Variants in NTM observed in about 807,000 individuals in gnomAD.
The protein encoded by NTM is neurotrimin.
A neutral mutation model predicts 42.1 loss-of-function variants in NTM; 13 were observed. That is an observed-to-expected ratio of 0.31 (90% CI 0.20 to 0.49). NTM has a LOEUF of 0.49. Ranked by LOEUF, NTM falls within the 20% of genes least tolerant of loss-of-function variation. The pLI is 0.99. For missense variants in NTM, 373 were observed against 452.8 expected, an observed-to-expected ratio of 0.82 and a Z score of 1.60; for synonymous variants, 187 against 179.2, an observed-to-expected ratio of 1.04 and a Z score of -0.35.
At chr11:131,632,276 A>G (rs547122808) in intron 1 of NTM, among the ~76,000 whole-genome samples, 1 of 152,266 alleles carries the variant, frequency 6.6e-6, no homozygotes, top group East Asian at 1.9e-4. Context: ...GACTAACAAT[A>G]TCTCAAATCT....
chr11:131,887,662 C>G (rs1270878297), intron 1 of NTM, among the ~76,000 whole-genome samples: 1 of 152,240 alleles, frequency 6.6e-6, no homozygotes, highest in Non-Finnish European at 1.5e-5. Context: ...AAATTTCAGA[C>G]TTGTTAGATG....
chr11:131,373,230 C>A (rs1591488494), intron 1 of NTM, among the ~76,000 whole-genome samples: 1 of 152,310 alleles, frequency 6.6e-6, no homozygotes, highest in African/African-American at 2.4e-5. Flanking sequence ...ACTGAGGCAG[C>A]CCAGGTCTTG....
chr11:131,815,885 T>C (rs1255927880), intron 1 of NTM, among the ~76,000 whole-genome samples: 3 of 152,128 alleles, frequency 2.0e-5, no homozygotes, highest in Non-Finnish European at 2.9e-5. Flanking sequence ...CAGGGCTGGG[T>C]TGAGGGTCCT....
At chr11:131,635,372 C>G (rs2064226008) in intron 1 of NTM, among the ~76,000 whole-genome samples, 1 of 151,948 alleles carries the variant, frequency 6.6e-6, no homozygotes, top group Non-Finnish European at 1.5e-5. Flanking sequence ...TGATCCTGAC[C>G]CCATGTAGGT....
intron 2 of NTM, among the ~76,000 whole-genome samples, chr11:131,921,045 G>C (rs183070303): frequency 6.6e-6 from 1 of 152,078 alleles, no homozygotes; most frequent in Non-Finnish European, 1.5e-5. Context: ...GAAAAAGAAC[G>C]CATGCGAATT....
At chr11:132,024,111 C>T (rs975199666) in intron 2 of NTM, among the ~76,000 whole-genome samples, 3 of 151,806 alleles carry the variant, frequency 2.0e-5, no homozygotes, top group South Asian at 2.1e-4. Context: ...AGCTACTGCA[C>T]CCAGCATTTT....
intron 1 of NTM, among the ~76,000 whole-genome samples, chr11:131,791,739 T>G (rs570023838): frequency 6.6e-5 from 10 of 152,338 alleles, no homozygotes; most frequent in Non-Finnish European, 1.2e-4. Context: ...AATGCATCAG[T>G]GAATAACTGA....
At chr11:131,423,727 A>G (rs1947767489) in intron 1 of NTM, among the ~76,000 whole-genome samples, 1 of 152,166 alleles carries the variant, frequency 6.6e-6, no homozygotes, top group African/African-American at 2.4e-5. Flanking sequence ...GAATCCGCAA[A>G]AGAGGCAGGC....
intron 1 of NTM, among the ~76,000 whole-genome samples, chr11:131,616,272 C>G (rs2061927726): frequency 6.6e-6 from 1 of 152,220 alleles, no homozygotes; most frequent in Non-Finnish European, 1.5e-5. Flanking sequence ...TCTCCTTCCT[C>G]ACCCAAGACA....
intron 1 of NTM, among the ~76,000 whole-genome samples, chr11:131,497,258 G>A (rs907670907): frequency 9.9e-5 from 15 of 152,138 alleles, no homozygotes; most frequent in African/African-American, 2.9e-4. Context: ...GTGCGATCTC[G>A]GCCCACTGCA....
At chr11:132,065,926 T>A (rs1000209090) in intron 2 of NTM, among the ~76,000 whole-genome samples, 1 of 152,236 alleles carries the variant, frequency 6.6e-6, no homozygotes, top group Non-Finnish European at 1.5e-5. Context: ...AGCCATGCTA[T>A]ACAGCCTTTC....
intron 2 of NTM, among the ~76,000 whole-genome samples, chr11:132,085,606 C>T (rs551496346): frequency 2.6e-5 from 4 of 152,298 alleles, no homozygotes; most frequent in African/African-American, 7.2e-5. Context: ...AACTAAAAGG[C>T]GTTAAAGCTT....
At chr11:131,512,290 C>T (rs1437974382) in intron 1 of NTM, among the ~76,000 whole-genome samples, 9 of 152,298 alleles carry the variant, frequency 5.9e-5, no homozygotes, top group African/African-American at 7.2e-5. Flanking sequence ...CATTTGTTCA[C>T]TTTCTGAATA....
At chr11:132,274,699 C>T (rs1781208399) in intron 4 of NTM, among the ~76,000 whole-genome samples, 1 of 152,062 alleles carries the variant, frequency 6.6e-6, no homozygotes, top group Non-Finnish European at 1.5e-5. Context: ...TATGGTTTAT[C>T]TTGGAGGATA....
intron 4 of NTM, among the ~76,000 whole-genome samples, chr11:132,233,889 C>T (rs879246343): frequency 2.0e-5 from 3 of 152,348 alleles, no homozygotes; most frequent in Admixed American, 2.0e-4. Context: ...ACATCCATTC[C>T]AAATGATGCC....
chr11:131,714,636 G>A (rs1310968114), intron 1 of NTM, among the ~76,000 whole-genome samples: 2 of 152,158 alleles, frequency 1.3e-5, no homozygotes, highest in South Asian at 4.1e-4. Context: ...TTTCTACCTT[G>A]CTCATGTCTG....
At chr11:132,268,674 G>GTA (rs1376609200) in intron 4 of NTM, among the ~76,000 whole-genome samples, 104 of 144,638 alleles carry the variant, frequency 7.2e-4, no homozygotes, top group Non-Finnish European at 1.3e-3. Flanking sequence ...CTCTCTCTGT[G>GTA]TGTGTGTGTG....
In NTM at chr11:131,585,583, C is replaced by T. The variant is rs1319741598; in HGVS notation, c.82+214695C>T. Among the ~76,000 whole-genome samples, 5 of 152,180 alleles carry T rather than the reference C, an allele frequency of 3.3e-5. No homozygotes were observed. The East Asian group carries it at 9.6e-4, about 29-fold the overall frequency. ...GAGTGCAGACGGTGGCTACTCTCGC[C>T]GGGGCACCATCTGATGCAGAATCAC... On this transcript the variant is annotated intron_variant, in intron 1 of 8. Coordinates refer to ENST00000683400, the MANE Select transcript of NTM (RefSeq NM_001352005.2).
intron 1 of NTM, among the ~76,000 whole-genome samples, chr11:131,641,591 A>AG (rs1017752746): frequency 1.3e-5 from 2 of 152,092 alleles, no homozygotes; most frequent in African/African-American, 4.8e-5. Context: ...GCCATTTCCA[A>AG]GGGGGGGAAG....
Sources: allele counts gnomAD v4.1 joint callset (sites outside exome capture counted in the v4.1 genomes callset), GRCh38; gene constraint gnomAD v4.1.1; transcripts MANE v1.5; gene names NCBI Gene and HGNC (gene_info 2026-07-23, HGNC 2026-07-21).